The following FSCN3 variants were observed in gnomAD, a reference collection of about 807,000 sequenced individuals.
FSCN3 encodes the protein fascin-3.
Under a neutral mutation model 53.5 loss-of-function variants are expected in FSCN3, and 43 were observed. The ratio of observed to expected loss-of-function variants is 0.80; its 90% CI spans 0.63 to 1.04. The LOEUF is 1.04. FSCN3 is among the 50% of genes least tolerant of loss of function. FSCN3 has a pLI of 0.00. For synonymous variants in FSCN3, 235 were observed against 246.6 expected, an observed-to-expected ratio of 0.95 and a Z score of 0.44; for missense variants, 594 against 646.5, an observed-to-expected ratio of 0.92 and a Z score of 0.88.
intron 6 of FSCN3, among the ~76,000 whole-genome samples, chr7:127,601,166 A>T (rs947295138): frequency 6.6e-6 from 1 of 152,112 alleles, no homozygotes; most frequent in East Asian, 1.9e-4. Context: ...CATTGCCACC[A>T]CTTGGCTCCA....
chr7:127,594,051 TGTGTGTGTGCGCGCGCGC>T, intron 1 of FSCN3, 54 bp downstream of exon 1: 5 of 1,596,288 alleles, frequency 3.1e-6, no homozygotes, highest in Non-Finnish European at 3.4e-6. Context: ...AAGCTGTGTG[TGTGTGTGTGCGCGCGCGC>T]GTGTGTGTGC....
rs761444772 is a variant in FSCN3, at chr7:127,595,445, T to C, written c.283T>C (p.Phe95Leu). The stretch of plus-strand genomic sequence containing the variant: ...CCCAAGGACCAGCCACCATGGGTGC[T>C]TTCTACTGCGTTTCCACCGGAACAG... ...GRPRTSHHGCFLLRFHRNSKW... is the reference protein window; with the variant it reads ...GRPRTSHHGCLLLRFHRNSKW... The change falls in exon 2 of 7, where the codon TTT becomes CTT. Residue 95 changes from phenylalanine (F) to leucine (L), a missense_variant. Transcript: ENST00000265825. The C allele has an allele frequency of 3.7e-6, 6 of 1,614,166 alleles. No individual in the cohort carries two copies. Among genetic ancestry groups the C allele is most frequent in the Non-Finnish European group, 5.1e-6 (6 of 1,180,020 alleles).
chr7:127,600,346 A>T lies in FSCN3; in HGVS notation c.1444A>T (p.Thr482Ser), dbSNP rs539623514. The change falls in exon 6 of 7, where the codon ACC becomes TCC. Residue 482 changes from threonine to serine, a missense_variant. Physicochemically the swap from Thr to Ser is moderately conservative, Grantham distance 58. Transcript: ENST00000265825. ...CTACATGCGAGCCGACCAAAGTGGC[A>T]CCCTGTTGGCAGACAGTGAAGACAT... is the stretch of plus-strand genomic sequence containing the variant. ...GFYMRADQSGTLLADSEDITR... is the reference protein window; with the variant it reads ...GFYMRADQSGSLLADSEDITR... The T allele has an allele frequency of 6.2e-7, 1 of 1,613,788 alleles. No homozygotes were observed. Among genetic ancestry groups the T allele is most frequent in the East Asian group, 2.2e-5 (1 of 44,888 alleles).
intron 1 of FSCN3, among the ~76,000 whole-genome samples, chr7:127,594,262 G>GTT (rs1215509075): frequency 5.4e-5 from 6 of 110,760 alleles, no homozygotes; most frequent in Non-Finnish European, 7.1e-5. Flanking sequence ...GTGTGTGTGT[G>GTT]TGTGTGTGTG....
In FSCN3 at chr7:127,596,350, T is replaced by C. The variant is rs1342933710; in HGVS notation, c.864T>C (p.Ser288=). The C allele has an allele frequency of 1.2e-6, 2 of 1,612,438 alleles. No homozygotes were observed. Among genetic ancestry groups the C allele is most frequent in the Non-Finnish European group, 1.7e-6 (2 of 1,178,436 alleles). Residue 288 remains serine (S), a synonymous_variant, in exon 3 of 7, where the codon TCT becomes TCC. Coordinates refer to ENST00000265825, the MANE Select transcript of FSCN3 (RefSeq NM_020369.3). ...VIYDGEVRAA[S]ERLNRMSLFQ... ...CAGATGGTGAGGTGCGTGCTGCTTC[T>C]GAGCGCTTAAACCGAATGTCCTTGT...
At position 127,595,647 on chromosome 7, in the gene FSCN3, C is replaced by T; in HGVS notation, c.485C>T (p.Thr162Ile). 7 of 1,614,000 alleles carry T rather than the reference C, an allele frequency of 4.3e-6. No individual in the cohort carries two copies. The highest frequency in any genetic ancestry group is 5.9e-6 in the Non-Finnish European group (7 of 1,179,844). The change falls in exon 2 of 7, where the codon ACT (threonine) becomes ATT (isoleucine). Residue 162 changes from threonine (T) to isoleucine (I), a missense_variant. By Grantham distance (89) the Thr-to-Ile change is moderately conservative (BLOSUM62 -1). Transcript: ENST00000265825. ...CGCTGCTATGCCCGGGCTGACCCCA[C>T]TATGGGCCGCATCTGGGTGGACGCA... ...IHRCYARADPTMGRIWVDAAV... is the reference protein window; with the variant it reads ...IHRCYARADPIMGRIWVDAAV...
chr7:127,601,251 C>G (rs1794470401), intron 6 of FSCN3, among the ~76,000 whole-genome samples: 2 of 152,196 alleles, frequency 1.3e-5, no homozygotes, highest in African/African-American at 4.8e-5. Flanking sequence ...CATCCAATCT[C>G]ATCTCCGACA....
At position 127,595,348 on chromosome 7, in the gene FSCN3, C is replaced by G. The variant is rs139948688; in HGVS notation, c.186C>G (p.Ala62=). Residue 62 remains alanine (A), a synonymous_variant, in exon 2 of 7, where the codon GCC becomes GCG. Coordinates refer to ENST00000265825, the MANE Select transcript of FSCN3 (RefSeq NM_020369.3). Reference sequence around the variant, plus strand: ...TGAGCAATGAGCATGAGACACAGGCCGTGGTGCGACTAAAGAGCGTGCAGG... The same window carrying G: ...TGAGCAATGAGCATGAGACACAGGCGGTGGTGCGACTAAAGAGCGTGCAGG... ...ILVSNEHETQ[A]VVRLKSVQGL... 1 of 1,613,606 alleles carries G rather than the reference C, an allele frequency of 6.2e-7. No homozygotes were observed. Among genetic ancestry groups the G allele is most frequent in the Non-Finnish European group, 8.5e-7 (1 of 1,179,822 alleles).
chr7:127,598,656 G>GTTA, intron 4 of FSCN3, 62 bp downstream of exon 4: 6 of 1,397,428 alleles, frequency 4.3e-6, no homozygotes, highest in Non-Finnish European at 5.9e-6. Flanking sequence ...GAGGGAGGTG[G>GTTA]AATATGATTG....
Position 127,599,380 on chromosome 7 carries a change from G to C in FSCN3, c.1121-1G>C, listed in dbSNP as rs147048987. The C allele has an allele frequency of 5.3e-4, 850 of 1,612,150 alleles. No homozygotes were observed. Among genetic ancestry groups the C allele is most frequent in the Non-Finnish European group, 6.9e-4 (817 of 1,178,336 alleles). On this transcript the variant is annotated splice_acceptor_variant, in intron 4 of 6. Transcript: ENST00000265825. LOFTEE classifies it high-confidence loss of function. The stretch of plus-strand genomic sequence containing the variant: ...AGATAACTCCTTCCTATTTCCTTCA[G>C]GCCCAAATGAGGAATTTGGGATTTT...
Position 127,594,014 on chromosome 7 carries a change from A to C in FSCN3, c.144+17A>C. 6.2e-7 allele frequency: 1 copy of C among 1,611,970 alleles called. No individual in the cohort carries two copies. Among genetic ancestry groups the C allele is most frequent in the Non-Finnish European group, 8.5e-7 (1 of 1,179,176 alleles). On this transcript the variant is annotated intron_variant, in intron 1 of 6. Transcript: ENST00000265825. ...AGGAGACAGGTGACAAAGCAAACCC[A>C]TGCTGGCACCAGTTTTCTGAGTGGC...
intron 1 of FSCN3, chr7:127,594,764 T>C (rs1794358487): frequency 1.1e-5 from 5 of 471,364 alleles, no homozygotes; most frequent in South Asian, 7.7e-5. Flanking sequence ...GGCAAAGTTC[T>C]TCCTCTTATA....
At chr7:127,595,225 A>G in intron 1 of FSCN3, 82 bp from the exon 2 acceptor site, 1 of 1,255,516 alleles carries the variant, frequency 8.0e-7, no homozygotes, top group Non-Finnish European at 1.1e-6. Flanking sequence ...CCAGGGTGAT[A>G]CCAGCCATGA....
intron 6 of FSCN3, 143 bp downstream of exon 6, chr7:127,600,542 G>A (rs1794457837): frequency 1.6e-6 from 1 of 611,866 alleles, no homozygotes; most frequent in African/African-American, 1.9e-5. Flanking sequence ...ATCAACTCCA[G>A]ACATTTATTC....
intron 6 of FSCN3, among the ~76,000 whole-genome samples, chr7:127,600,806 T>A (rs1332776038): frequency 6.6e-6 from 1 of 152,224 alleles, no homozygotes; most frequent in Non-Finnish European, 1.5e-5. Context: ...CTTCTATCCC[T>A]ACCTCTTGGA....
At chr7:127,600,461 G>A in intron 6 of FSCN3, 62 bp downstream of exon 6, 1 of 1,009,734 alleles carries the variant, frequency 9.9e-7, no homozygotes, top group Non-Finnish European at 1.6e-6. Flanking sequence ...GAGGAGAAGG[G>A]AGGTGGGTGG....
At position 127,594,097 on chromosome 7, in the gene FSCN3, T is replaced by C; in HGVS notation, c.144+100T>C. ...GTGTGTGCGTGAGTGTATGTGTGTG[T>C]GTGTGTGTATGTACTTGCCTGTATA... On this transcript the variant is annotated intron_variant, in intron 1 of 6. Coordinates refer to ENST00000265825, the MANE Select transcript of FSCN3 (RefSeq NM_020369.3). 20 of 1,393,686 alleles carry C rather than the reference T, an allele frequency of 1.4e-5. No homozygotes were observed. The South Asian group carries it at 2.6e-4, about 18-fold the overall frequency. 86.3% of individuals were successfully genotyped at this position (1,393,686 alleles called of 1,614,324 possible).
In FSCN3 at chr7:127,596,480, T is replaced by C. The variant is rs756305320; in HGVS notation, c.960+34T>C. 5 of 1,022,476 alleles carry C rather than the reference T, an allele frequency of 4.9e-6. No homozygotes were observed. The African/African-American group carries it at 7.9e-5, about 16-fold the overall frequency. 63.3% of individuals were successfully genotyped at this position (1,022,476 alleles called of 1,614,324 possible). A position where few individuals can be genotyped will look rare whatever the true frequency, so the allele number is the denominator to read the frequency against. ...TTGGCTTCCTGAGCAAGAGAAACCT[T>C]AAGCTCTGAGCTCTCCCTCCCTAGA... On this transcript the variant is annotated intron_variant, in intron 3 of 6. Coordinates refer to ENST00000265825, the MANE Select transcript of FSCN3 (RefSeq NM_020369.3).
rs1226954046 is a variant in FSCN3 at position 127,595,669 on chromosome 7, CGCA to C, written c.512_514del (p.Ala171del). 2.5e-6 allele frequency: 4 copies of C among 1,613,622 alleles called. No individual in the cohort carries two copies. Among genetic ancestry groups the C allele is most frequent in the Admixed American group, 1.7e-5 (1 of 60,006 alleles). On this transcript the variant is annotated inframe_deletion, in exon 2 of 7. Transcript: ENST00000265825. ...CCACTATGGGCCGCATCTGGGTGGACGCAGCAGTTCCCTGCCTGGAGGAGTGTG... is the reference window on the plus strand; with the variant it reads ...CCACTATGGGCCGCATCTGGGTGGACGCAGTTCCCTGCCTGGAGGAGTGTG...
Sources: gnomAD v4.1 joint callset for allele counts (sites outside exome capture counted in the v4.1 genomes callset) on GRCh38, gnomAD v4.1.1 for gene constraint, MANE v1.5 for transcripts, NCBI Gene and HGNC (gene_info 2026-07-23, HGNC 2026-07-21) for gene names.